The following HDAC9 variants were observed in gnomAD, a reference collection of about 807,000 sequenced individuals.
HDAC9 encodes the protein histone deacetylase 9, also known as MEF-2 interacting transcription repressor (MITR) protein.
In HDAC9, 41 loss-of-function variants were observed where a neutral mutation model predicts 139.4. The observed-to-expected ratio is 0.29, with a 90% CI of 0.23 to 0.38. The LOEUF is 0.38. HDAC9 is among the 10% of genes least tolerant of loss of function. The probability of loss-of-function intolerance (pLI) is 1.00; values close to 1 mark genes in which losing one functional copy is unlikely to be tolerated. For synonymous variants in HDAC9, 517 were observed against 476.2 expected, an observed-to-expected ratio of 1.09 and a Z score of -1.12; for missense variants, 1,147 against 1,297.0, an observed-to-expected ratio of 0.88 and a Z score of 1.78.
At chr7:18,666,076 C>G (rs906617407) in intron 11 of HDAC9, 137 bp from the exon 12 acceptor site, 2 of 909,756 alleles carry the variant, frequency 2.2e-6, no homozygotes, top group Non-Finnish European at 3.3e-6. Context: ...AAACTTGTTG[C>G]CTACAAGTTC....
At chr7:18,808,194 G>A (rs1793882263) in intron 17 of HDAC9, 1 of 152,148 alleles carries the variant, frequency 6.6e-6, no homozygotes, top group African/African-American at 2.4e-5. Flanking sequence ...AGGAGGAAGG[G>A]GATCTCTGCA....
chr7:18,963,159 G>A (rs1312120862), intron 24 of HDAC9, among the ~76,000 whole-genome samples: 2 of 152,048 alleles, frequency 1.3e-5, no homozygotes, highest in South Asian at 2.1e-4. Context: ...AATAGGAGAG[G>A]GGAAAAAACA....
intron 1 of HDAC9, among the ~76,000 whole-genome samples, chr7:18,112,039 A>G (rs1028790369): frequency 1.6e-4 from 25 of 152,254 alleles, no homozygotes; most frequent in African/African-American, 5.8e-4. Flanking sequence ...TACACTTACA[A>G]TTAAATTGTA....
At chr7:18,099,962 G>C (rs1196654366) in intron 1 of HDAC9, among the ~76,000 whole-genome samples, 1 of 152,098 alleles carries the variant, frequency 6.6e-6, no homozygotes, top group Non-Finnish European at 1.5e-5. Context: ...ATTTTCCTCT[G>C]ATATCCTCTT....
intron 1 of HDAC9, among the ~76,000 whole-genome samples, chr7:18,396,079 ATTCCCTTCCCTTCCCTTCCC>A (rs775874685): frequency 2.2e-5 from 1 of 46,506 alleles, no homozygotes; most frequent in Admixed American, 2.5e-4. Flanking sequence ...TCAAAGTGTC[ATTCCCTTCCCTTCCCTTCCC>A]TTCCCTTCCC....
chr7:18,604,558 A>G (rs745714457), intron 6 of HDAC9, among the ~76,000 whole-genome samples: 4 of 151,304 alleles, frequency 2.6e-5, no homozygotes, highest in Non-Finnish European at 5.9e-5. Context: ...CACCACGCCC[A>G]GCTAATTTTT....
chr7:18,761,562 A>G (rs114295380), intron 14 of HDAC9, among the ~76,000 whole-genome samples: 2 of 152,210 alleles, frequency 1.3e-5, no homozygotes, highest in Non-Finnish European at 2.9e-5. Context: ...CTAAATATTG[A>G]TCTGAATTTC....
At chr7:18,341,821 T>C (rs1287032578) in intron 1 of HDAC9, among the ~76,000 whole-genome samples, 2 of 151,850 alleles carry the variant, frequency 1.3e-5, no homozygotes. Context: ...AATTTTACTT[T>C]CTTGGGTCTT....
At position 18,133,932 on chromosome 7, in the gene HDAC9, G is replaced by GCGCA. The variant is rs1554304477; in HGVS notation, c.-96-28296_-96-28295insGCAC. Among the ~76,000 whole-genome samples, 21 of 145,908 alleles carry GCGCA rather than the reference G, an allele frequency of 1.4e-4. No homozygotes were observed. In the East Asian group the frequency reaches 3.0e-3, roughly 21 times the overall value. On this transcript the variant is annotated intron_variant, in intron 1 of 12. Coordinates refer to the HDAC9 transcript ENST00000417496. ...TATCTGTGTGTGAATATACACGCGT[G>GCGCA]CACACACACACACACACACACACAC... is the stretch of plus-strand genomic sequence containing the variant.
intron 1 of HDAC9, among the ~76,000 whole-genome samples, chr7:18,357,198 T>C (rs1280237869): frequency 1.3e-5 from 2 of 152,122 alleles, no homozygotes; most frequent in African/African-American, 4.8e-5. Flanking sequence ...CTATGTCTTA[T>C]TGTTACTTCG....
chr7:18,666,014 G>C (rs1377553188), intron 11 of HDAC9, among the ~76,000 whole-genome samples, 199 bp from the exon 12 acceptor site: 1 of 151,954 alleles, frequency 6.6e-6, no homozygotes, highest in African/African-American at 2.4e-5. Flanking sequence ...CTGCCTACTG[G>C]ACCCATACAA....
At position 18,591,577 on chromosome 7, in the gene HDAC9, A is replaced by C. The variant is rs761630019; in HGVS notation, c.477A>C (p.Ala159=). 1.5e-5 allele frequency: 24 copies of C among 1,613,340 alleles called. No homozygotes were observed. The highest frequency in any genetic ancestry group is 2.0e-5 in the Non-Finnish European group (24 of 1,179,750). ...KLQEFLLSKS[A]TKDTPTNGKN... ...AAGAGTTCCTACTGAGTAAATCAGC[A>C]ACGAAAGACACTCCAACTAATGGAA... The change falls in exon 5 of 26, where the codon GCA becomes GCC. Residue 159 remains alanine (A), a synonymous_variant. Transcript: ENST00000686413.
intron 2 of HDAC9, among the ~76,000 whole-genome samples, chr7:18,164,395 T>A (rs13243921): frequency 1.3e-5 from 2 of 152,144 alleles, no homozygotes; most frequent in Non-Finnish European, 2.9e-5. Flanking sequence ...GAAAAAAATA[T>A]GTTTTTCTTA....
At chr7:18,665,378 T>A (rs1380707405) in intron 11 of HDAC9, among the ~76,000 whole-genome samples, 3 of 152,150 alleles carry the variant, frequency 2.0e-5, no homozygotes, top group Non-Finnish European at 4.4e-5. Flanking sequence ...TTTTTCCCCA[T>A]TTATTGAGCT....
chr7:18,942,802 A>G (rs1782110625), intron 23 of HDAC9, among the ~76,000 whole-genome samples: 1 of 151,986 alleles, frequency 6.6e-6, no homozygotes. Flanking sequence ...ATCAGCAAAT[A>G]CTACAAATTA....
At position 18,975,486 on chromosome 7, in the gene HDAC9, C is replaced by T. The variant is rs1048635625; in HGVS notation, c.3023-320C>T. ...GGTCTCTTGTGGGTTTCCCAGGGAG[C>T]GTGAAGCCCGGAGTTTGCTTACTTA... On this transcript the variant is annotated intron_variant, in intron 24 of 25. Transcript: ENST00000686413. Among the ~76,000 whole-genome samples the T allele has an allele frequency of 8.5e-5, 13 of 152,254 alleles. No individual in the cohort carries two copies. In the Middle Eastern group the frequency reaches 0.01, roughly 120 times the overall value.
intron 1 of HDAC9, among the ~76,000 whole-genome samples, chr7:18,459,426 G>T (rs1399200681): frequency 6.6e-6 from 1 of 151,996 alleles, no homozygotes; most frequent in Admixed American, 6.5e-5. Context: ...TAAATAAATA[G>T]CATTTTGGTA....
At chr7:18,624,576 C>A (rs1451040636) in intron 6 of HDAC9, among the ~76,000 whole-genome samples, 1 of 152,112 alleles carries the variant, frequency 6.6e-6, no homozygotes, top group East Asian at 1.9e-4. Context: ...CATTCATATA[C>A]AAGCAGAACC....
At chr7:18,249,150 A>G (rs953091686) in intron 2 of HDAC9, among the ~76,000 whole-genome samples, 7 of 152,210 alleles carry the variant, frequency 4.6e-5, no homozygotes, top group Non-Finnish European at 1.5e-5. Context: ...ATTTTGGTAT[A>G]TATTTTCTTA....
Sources: allele counts gnomAD v4.1 joint callset (sites outside exome capture counted in the v4.1 genomes callset), GRCh38; gene constraint gnomAD v4.1.1; transcripts MANE v1.5; gene names NCBI Gene and HGNC (gene_info 2026-07-23, HGNC 2026-07-21).